SMAD2: variants seen among roughly 807,000 people sequenced by gnomAD.
SMAD2 encodes the protein MAD homolog 2.
SMAD2 carries 8 observed loss-of-function variants against 64.4 expected under a neutral mutation model. That is an observed-to-expected ratio of 0.12 (90% CI 0.07 to 0.22). The LOEUF is 0.22. Among genes scored for constraint, SMAD2 ranks in the 10% least tolerant of loss-of-function variants. SMAD2 has a pLI of 1.00. For synonymous variants in SMAD2, 203 were observed against 195.8 expected (o/e 1.04, Z -0.31); for missense variants, 289 against 561.2 (o/e 0.51, Z 4.90).
Position 47,815,807 on chromosome 18 carries a change from T to C in SMAD2, c.*26020A>G, listed in dbSNP as rs1159365196. 6.6e-6 allele frequency: 1 copy of C among 152,224 alleles called. No homozygotes were observed. Among genetic ancestry groups the C allele is most frequent in the Non-Finnish European group, 1.5e-5 (1 of 68,038 alleles). 9.4% of individuals were successfully genotyped at this position (152,224 alleles called of 1,614,324 possible). ...AAGGACATTGTCTTAATTTTCCTGT[T>C]GTCTTAACAGAGGATTTACTGAGCC... On this transcript the variant is annotated 3_prime_UTR_variant, in exon 11 of 11. Transcript: ENST00000262160.
In SMAD2 at chr18:47,898,255, T is replaced by C. The variant is rs1458204664; in HGVS notation, c.-53-1446A>G. 3.3e-5 allele frequency among the ~76,000 whole-genome samples: 5 copies of C among 152,204 alleles called. No homozygotes were observed. The East Asian group carries it at 7.7e-4, about 23-fold the overall frequency. The stretch of plus-strand genomic sequence containing the variant: ...TCAAATGTGACAGCTTTATTCTAAG[T>C]AATCTGGCAATGTGCCACGTGTTAC... On this transcript the variant is annotated intron_variant, in intron 1 of 10. Transcript: ENST00000262160.
intron 2 of SMAD2, among the ~76,000 whole-genome samples, chr18:47,894,370 G>C (rs756145711): frequency 1.7e-4 from 26 of 152,118 alleles, no homozygotes; most frequent in Non-Finnish European, 3.7e-4. Context: ...CAGACCCTAC[G>C]GCACTTAAAC....
chr18:47,903,747 T>C lies in SMAD2; in HGVS notation c.-53-6938A>G, dbSNP rs1019607193. ...ACAAAAGAGGATCACAGGAAAACGT[T>C]AGAAATGAAAACTATAGTATTAGAA... On this transcript the variant is annotated intron_variant, in intron 1 of 10. Transcript: ENST00000262160. Among the ~76,000 whole-genome samples, 4 of 151,898 alleles carry C rather than the reference T, an allele frequency of 2.6e-5. No homozygotes were observed. The South Asian group carries it at 8.3e-4, about 32-fold the overall frequency.
rs1912290899 is a variant in SMAD2 at position 47,814,048 on chromosome 18, C to T, written c.*27779G>A. 6.6e-6 allele frequency: 1 copy of T among 152,098 alleles called. No individual in the cohort carries two copies. Among genetic ancestry groups the T allele is most frequent in the South Asian group, 2.1e-4 (1 of 4,826 alleles). 9.4% of individuals were successfully genotyped at this position (152,098 alleles called of 1,614,324 possible). A position where few individuals can be genotyped will look rare whatever the true frequency, so the allele number is the denominator to read the frequency against. On this transcript the variant is annotated 3_prime_UTR_variant, in exon 11 of 11. Coordinates refer to ENST00000262160, the MANE Select transcript of SMAD2 (RefSeq NM_005901.6). ...AGGAATAAAGAGTTTTATATCAGGG[C>T]ATCAAGAGAAGGATATTCAAGGTAC...
intron 7 of SMAD2, among the ~76,000 whole-genome samples, chr18:47,848,915 T>G (rs945823849): frequency 6.6e-6 from 1 of 152,132 alleles, no homozygotes; most frequent in Admixed American, 6.6e-5. Flanking sequence ...TTTTTCAAAT[T>G]TCTCCCATGT....
intron 3 of SMAD2, 76 bp from the exon 4 acceptor site, chr18:47,869,512 A>G (rs2031803316): frequency 1.0e-6 from 1 of 981,150 alleles, no homozygotes; most frequent in African/African-American, 1.7e-5. Context: ...AATGGGCTAA[A>G]TTAGTACAAT....
At chr18:47,910,277 G>T (rs886330699) in intron 1 of SMAD2, among the ~76,000 whole-genome samples, 1 of 151,946 alleles carries the variant, frequency 6.6e-6, no homozygotes, top group African/African-American at 2.4e-5. Flanking sequence ...AACAGAAGAC[G>T]ACGTAACAGA....
At chr18:47,904,338 GGTAGA>G (rs1041751952) in intron 1 of SMAD2, among the ~76,000 whole-genome samples, 7 of 151,354 alleles carry the variant, frequency 4.6e-5, no homozygotes, top group Non-Finnish European at 1.0e-4. Flanking sequence ...CAAAGGGAAG[GGTAGA>G]GCAAAAGACA....
intron 8 of SMAD2, 104 bp from the exon 9 acceptor site, chr18:47,845,904 C>T (rs1914448036): frequency 2.9e-6 from 3 of 1,019,250 alleles, no homozygotes; most frequent in South Asian, 1.3e-5. Flanking sequence ...AAGGTATTTC[C>T]AGGATCTTTT....
At chr18:47,890,149 AG>A (rs2033122992) in intron 2 of SMAD2, among the ~76,000 whole-genome samples, 2 of 152,194 alleles carry the variant, frequency 1.3e-5, no homozygotes, top group South Asian at 4.1e-4. Context: ...GCACCAGATA[AG>A]GTCCAGGGCT....
chr18:47,845,584 C>G (rs2144289222), intron 9 of SMAD2, 79 bp downstream of exon 9: 1 of 1,573,302 alleles, frequency 6.4e-7, no homozygotes, highest in Non-Finnish European at 8.7e-7. Flanking sequence ...ATGCAATCAT[C>G]TACTGATTCC....
chr18:47,929,175 C>T (rs755995269), intron 1 of SMAD2, among the ~76,000 whole-genome samples: 1 of 152,156 alleles, frequency 6.6e-6, no homozygotes, highest in African/African-American at 2.4e-5. Flanking sequence ...ATCTGCTTCA[C>T]TAATTCATGT....
At chr18:47,865,569 A>G (rs976981533) in intron 5 of SMAD2, among the ~76,000 whole-genome samples, 7 of 152,214 alleles carry the variant, frequency 4.6e-5, no homozygotes, top group South Asian at 4.1e-4. Context: ...TTTGGATTAT[A>G]AAAGTATTAA....
Position 47,836,066 on chromosome 18 carries a change from GAAGTT to G in SMAD2, c.*5756_*5760del, listed in dbSNP as rs371262549. 351 of 215,502 alleles carry G rather than the reference GAAGTT, an allele frequency of 1.6e-3. 4 individuals are homozygous for G. The East Asian group carries it at 0.023, about 14-fold the overall frequency. 13.3% of individuals were successfully genotyped at this position (215,502 alleles called of 1,614,324 possible). A position where few individuals can be genotyped will look rare whatever the true frequency, so the allele number is the denominator to read the frequency against. ...TCATGGCACCAAACCAACTGGCACT[GAAGTT>G]AAGTTAATATACTCCAGCGAGATCA... On this transcript the variant is annotated 3_prime_UTR_variant, in exon 11 of 11. Coordinates refer to ENST00000262160, the MANE Select transcript of SMAD2 (RefSeq NM_005901.6).
At chr18:47,847,086 C>T (rs905929219) in intron 8 of SMAD2, among the ~76,000 whole-genome samples, 7 of 151,994 alleles carry the variant, frequency 4.6e-5, no homozygotes, top group Admixed American at 6.6e-5. Context: ...AATCCAATAA[C>T]GACAGCAATC....
Position 47,834,939 on chromosome 18 carries a change from A to G in SMAD2, c.*6888T>C, listed in dbSNP as rs1393789606. On this transcript the variant is annotated 3_prime_UTR_variant, in exon 11 of 11. Transcript: ENST00000262160. ...CACAGCCCTCCGATTACAAAGGCCC[A>G]GAATGTTACTTTTAACTGTGCTCCA... is the stretch of plus-strand genomic sequence containing the variant. 8.9e-6 allele frequency: 2 copies of G among 223,520 alleles called. No homozygotes were observed. Among genetic ancestry groups the G allele is most frequent in the Non-Finnish European group, 1.8e-5 (2 of 111,924 alleles). 13.8% of individuals were successfully genotyped at this position (223,520 alleles called of 1,614,324 possible).
chr18:47,907,445 G>A lies in SMAD2; in HGVS notation c.-53-10636C>T, dbSNP rs542470998. On this transcript the variant is annotated intron_variant, in intron 1 of 10. Coordinates refer to ENST00000262160, the MANE Select transcript of SMAD2 (RefSeq NM_005901.6). ...TTTCATTCATGGCTTCCCACAACAG[G>A]CAAAACTAATCTAATGACAAGTCAA... Among the ~76,000 whole-genome samples the A allele has an allele frequency of 2.6e-5, 4 of 152,266 alleles. No homozygotes were observed. In the South Asian group the frequency reaches 8.3e-4, roughly 32 times the overall value.
At chr18:47,867,672 G>C (rs1458434122) in intron 5 of SMAD2, among the ~76,000 whole-genome samples, 4 of 140,480 alleles carry the variant, frequency 2.8e-5, no homozygotes, top group African/African-American at 1.0e-4. Flanking sequence ...AAAAAAAAAA[G>C]AAACCATAAA....
At position 47,899,763 on chromosome 18, in the gene SMAD2, C is replaced by G. The variant is rs533777561; in HGVS notation, c.-53-2954G>C. Among the ~76,000 whole-genome samples, 4 of 152,288 alleles carry G rather than the reference C, an allele frequency of 2.6e-5. No homozygotes were observed. The South Asian group carries it at 8.3e-4, about 32-fold the overall frequency. ...CCAACTCCTTTCTCAATCTACAAAT[C>G]ATTTAACTAGTCTTTCAGTCACCAC... On this transcript the variant is annotated intron_variant, in intron 1 of 10. Coordinates refer to ENST00000262160, the MANE Select transcript of SMAD2 (RefSeq NM_005901.6).
Sources: allele counts gnomAD v4.1 joint callset (sites outside exome capture counted in the v4.1 genomes callset), GRCh38; gene constraint gnomAD v4.1.1; transcripts MANE v1.5; gene names NCBI Gene and HGNC (gene_info 2026-07-23, HGNC 2026-07-21).